Variants in C12orf75 observed in about 807,000 individuals in gnomAD.
The protein encoded by C12orf75 is chromosome 12 open reading frame 75.
C12orf75 carries 4 observed loss-of-function variants against 11.4 expected under a neutral mutation model. The ratio of observed to expected loss-of-function variants is 0.35; its 90% CI spans 0.17 to 0.80. The LOEUF is 0.80. Among genes scored for constraint, C12orf75 ranks in the 30% least tolerant of loss-of-function variants. C12orf75 has a pLI of 0.52. For missense variants in C12orf75, 89 were observed against 80.4 expected (o/e 1.11, Z -0.41); for synonymous variants, 30 against 30.0 (o/e 1.00, Z 0.00).
chr12:105,340,861 A>T (rs1892564580), intron 1 of C12orf75, among the ~76,000 whole-genome samples: 1 of 152,172 alleles, frequency 6.6e-6, no homozygotes, highest in Admixed American at 6.6e-5. Flanking sequence ...GTGAAAATGG[A>T]GGTGGAGCAG....
In C12orf75 at chr12:105,347,105, AGGAGTTG is replaced by A. The variant is rs1342098960; in HGVS notation, c.47-1495_47-1489del. On this transcript the variant is annotated intron_variant, in intron 1 of 5. Transcript: ENST00000443585. ...GGATGCTTAATACCATATATCTTGT[AGGAGTTG>A]GAACCAAGTCCTGTGCCTCCCAGAT... 2.0e-5 allele frequency among the ~76,000 whole-genome samples: 3 copies of A among 152,354 alleles called. No homozygotes were observed. In the East Asian group the frequency reaches 5.8e-4, roughly 29 times the overall value.
In C12orf75 at chr12:105,371,134, A is replaced by C. The variant is rs930305764; in HGVS notation, c.*534A>C. 2 of 153,952 alleles carry C rather than the reference A, an allele frequency of 1.3e-5. No homozygotes were observed. Among genetic ancestry groups the C allele is most frequent in the African/African-American group, 4.8e-5 (2 of 41,466 alleles). The allele number at this position is 153,952 out of a possible 1,614,324, so 9.5% of individuals were successfully genotyped here. ...AATTGGTAAATGGATTCTTACAACT[A>C]TCTCTTTCCATTTCTTACTATTTGG... On this transcript the variant is annotated 3_prime_UTR_variant, in exon 6 of 6. Coordinates refer to ENST00000443585, the MANE Select transcript of C12orf75 (RefSeq NM_001145199.2).
intron 1 of C12orf75, among the ~76,000 whole-genome samples, chr12:105,347,865 A>G (rs367546057): frequency 6.6e-6 from 1 of 152,234 alleles, no homozygotes; most frequent in African/African-American, 2.4e-5. Context: ...TAATTAATTT[A>G]GTCCATTGCT....
chr12:105,367,035 ATGAC>A (rs1376858016), intron 4 of C12orf75, among the ~76,000 whole-genome samples: 1 of 152,240 alleles, frequency 6.6e-6, no homozygotes, highest in South Asian at 2.1e-4. Flanking sequence ...GTAATATAAG[ATGAC>A]TGACTGATAA....
intron 2 of C12orf75, among the ~76,000 whole-genome samples, chr12:105,358,995 T>C (rs962455383): frequency 5.3e-5 from 8 of 152,312 alleles, no homozygotes; most frequent in African/African-American, 1.9e-4. Context: ...ACTTCTCTAA[T>C]GGACTTAATG....
At chr12:105,365,370 G>A (rs1381158025) in intron 2 of C12orf75, among the ~76,000 whole-genome samples, 1 of 152,156 alleles carries the variant, frequency 6.6e-6, no homozygotes, top group Admixed American at 6.5e-5. Context: ...CCATGTATTA[G>A]GACTGGAAGA....
chr12:105,336,478 G>GT lies in C12orf75; in HGVS notation c.46+5542dup, dbSNP rs536642652. ...TGTTTAGAACAGTGACTCGTATATT[G>GT]TAAGTACCCAATATACTACTTGTTA... On this transcript the variant is annotated intron_variant, in intron 1 of 5. Coordinates refer to ENST00000443585, the MANE Select transcript of C12orf75 (RefSeq NM_001145199.2). 3.1e-4 allele frequency among the ~76,000 whole-genome samples: 47 copies of GT among 152,340 alleles called. No homozygotes were observed. In the East Asian group the frequency reaches 8.3e-3, roughly 27 times the overall value.
In C12orf75 at chr12:105,363,554, G is replaced by A. The variant is rs1005603142; in HGVS notation, c.72-2253G>A. Among the ~76,000 whole-genome samples, 4 of 151,962 alleles carry A rather than the reference G, an allele frequency of 2.6e-5. No homozygotes were observed. The South Asian group carries it at 8.3e-4, about 32-fold the overall frequency. ...ATCCTGGCCAACATGTTGAAACCTC[G>A]TCTCTACTAAAAATACAAAAATTAG... On this transcript the variant is annotated intron_variant, in intron 2 of 5. Coordinates refer to ENST00000443585, the MANE Select transcript of C12orf75 (RefSeq NM_001145199.2).
At chr12:105,330,962 C>A (rs1892414499) in intron 1 of C12orf75, 25 bp downstream of exon 1, 5 of 1,021,292 alleles carry the variant, frequency 4.9e-6, no homozygotes, top group Non-Finnish European at 5.0e-6. Context: ...AGGCGGGGGC[C>A]GGCGGGGGCG....
intron 2 of C12orf75, among the ~76,000 whole-genome samples, chr12:105,360,149 C>A (rs993599125): frequency 6.6e-6 from 1 of 152,224 alleles, no homozygotes; most frequent in African/African-American, 2.4e-5. Flanking sequence ...TGAAGACCTT[C>A]TGGGCCCTAT....
At chr12:105,334,307 A>C (rs1371253749) in intron 1 of C12orf75, among the ~76,000 whole-genome samples, 1 of 152,254 alleles carries the variant, frequency 6.6e-6, no homozygotes. Flanking sequence ...GCTCTTGAGA[A>C]ATTGATAGTC....
chr12:105,360,235 G>A (rs1308196659), intron 2 of C12orf75, among the ~76,000 whole-genome samples: 2 of 152,210 alleles, frequency 1.3e-5, no homozygotes, highest in African/African-American at 4.8e-5. Flanking sequence ...TCTTTCTCTG[G>A]TTTGGGGGAC....
At chr12:105,337,419 A>C (rs1373424958) in intron 1 of C12orf75, among the ~76,000 whole-genome samples, 3 of 152,310 alleles carry the variant, frequency 2.0e-5, no homozygotes, top group African/African-American at 7.2e-5. Context: ...GAAATTTCTC[A>C]AACCTGTCTC....
chr12:105,360,799 C>T (rs554904328), intron 2 of C12orf75, among the ~76,000 whole-genome samples: 7 of 151,698 alleles, frequency 4.6e-5, no homozygotes, highest in Admixed American at 2.6e-4. Flanking sequence ...TTTGTGAGAC[C>T]GAGTCTGTCT....
intron 5 of C12orf75, among the ~76,000 whole-genome samples, chr12:105,368,390 T>C (rs1239844426): frequency 1.3e-5 from 2 of 152,208 alleles, no homozygotes; most frequent in Admixed American, 1.3e-4. Context: ...CAGGTTGCCT[T>C]GGTTATGAAT....
At chr12:105,336,655 C>T (rs758692683) in intron 1 of C12orf75, among the ~76,000 whole-genome samples, 29 of 152,018 alleles carry the variant, frequency 1.9e-4, no homozygotes, top group Admixed American at 7.2e-4. Flanking sequence ...GGGGTAGAAG[C>T]GTTGAGGTCA....
At chr12:105,353,515 C>A (rs1457026270) in intron 2 of C12orf75, 2 of 151,906 alleles carry the variant, frequency 1.3e-5, no homozygotes, top group African/African-American at 4.8e-5. Flanking sequence ...TACCATATGG[C>A]CAAAGAGCAG....
At chr12:105,341,416 C>G in intron 1 of C12orf75, among the ~76,000 whole-genome samples, 1 of 152,222 alleles carries the variant, frequency 6.6e-6, no homozygotes, top group Middle Eastern at 3.4e-3. Context: ...TTTAGTGGGT[C>G]GGTCCCACAA....
chr12:105,366,803 G>A lies in C12orf75; in HGVS notation c.187+107G>A, dbSNP rs1316119456. 5.8e-6 allele frequency: 4 copies of A among 694,752 alleles called. No homozygotes were observed. The Admixed American group carries it at 6.8e-5, about 12-fold the overall frequency. The allele number at this position is 694,752 out of a possible 1,614,324, so 43.0% of individuals were successfully genotyped here. On this transcript the variant is annotated intron_variant, in intron 4 of 5. Coordinates refer to ENST00000443585, the MANE Select transcript of C12orf75 (RefSeq NM_001145199.2). ...CTTACTCGACTCAACCTATGTATTG[G>A]TTGCAGTGAACCATGTATAAGTACT...
Sources: allele counts gnomAD v4.1 joint callset (sites outside exome capture counted in the v4.1 genomes callset), GRCh38; gene constraint gnomAD v4.1.1; transcripts MANE v1.5; gene names NCBI Gene and HGNC (gene_info 2026-07-23, HGNC 2026-07-21).